The following FBXL20 variants were observed in gnomAD, a reference collection of about 807,000 sequenced individuals.
FBXL20 encodes the protein F-box/LRR-repeat protein 20.
A neutral mutation model predicts 64.0 loss-of-function variants in FBXL20; 11 were observed. The observed-to-expected ratio is 0.17, with a 90% CI of 0.11 to 0.28. FBXL20 has a LOEUF of 0.28. Ranked by LOEUF, FBXL20 falls within the 10% of genes least tolerant of loss-of-function variation. FBXL20 has a pLI of 1.00. For missense variants in FBXL20, 303 were observed against 526.2 expected (o/e 0.58, Z 4.15); for synonymous variants, 184 against 189.0 (o/e 0.97, Z 0.22).
intron 10 of FBXL20, among the ~76,000 whole-genome samples, chr17:39,272,436 G>A (rs1388432259): frequency 1.3e-5 from 2 of 148,400 alleles, no homozygotes; most frequent in African/African-American, 5.0e-5. Context: ...GGCCAGGTGC[G>A]TTGACTCATG....
At chr17:39,355,214 G>A (rs2047723939) in intron 1 of FBXL20, among the ~76,000 whole-genome samples, 1 of 151,960 alleles carries the variant, frequency 6.6e-6, no homozygotes, top group South Asian at 2.1e-4. Context: ...TTACAGGTGT[G>A]AGCCACCACG....
intron 1 of FBXL20, among the ~76,000 whole-genome samples, chr17:39,378,839 G>A (rs983473169): frequency 1.3e-5 from 2 of 151,554 alleles, no homozygotes; most frequent in African/African-American, 4.8e-5. Context: ...TCGAACTCCT[G>A]ACCTCAGGTG....
At chr17:39,266,216 G>GTTTGTT (rs1205895340) in intron 12 of FBXL20, among the ~76,000 whole-genome samples, 1 of 144,822 alleles carries the variant, frequency 6.9e-6, no homozygotes, top group Non-Finnish European at 1.5e-5. Flanking sequence ...TTACAGGCTA[G>GTTTGTT]TTTGTTGTTT....
chr17:39,390,562 T>TAAAA (rs568332066), intron 1 of FBXL20, among the ~76,000 whole-genome samples: 2 of 133,938 alleles, frequency 1.5e-5, no homozygotes, highest in African/African-American at 5.5e-5. Flanking sequence ...GACTCCATCT[T>TAAAA]AAAAAAAAAA....
At chr17:39,357,599 T>C (rs4287601) in intron 1 of FBXL20, among the ~76,000 whole-genome samples, 32,589 of 152,084 alleles carry the variant, frequency 0.21, 4,023 homozygotes, top group African/African-American at 0.33. Context: ...CAGGCTAGAG[T>C]GCGGTGGCAC....
chr17:39,297,151 T>A lies in FBXL20; in HGVS notation c.374A>T (p.Asn125Ile). 1 of 1,610,144 alleles carries A rather than the reference T, an allele frequency of 6.2e-7. No homozygotes were observed. Among genetic ancestry groups the A allele is most frequent in the Non-Finnish European group, 8.5e-7 (1 of 1,177,486 alleles). The change falls in exon 6 of 15, where the codon AAT becomes ATT. Residue 125 changes from asparagine to isoleucine, a missense_variant. By Grantham distance (149) the Asn-to-Ile change is moderately radical. Coordinates refer to ENST00000264658, the MANE Select transcript of FBXL20 (RefSeq NM_032875.3). ...CGCGTCTGTTGTCTTTGTACACCCATTTAGATTCAGTACTTCAATGTTCCT... is the reference window on the plus strand; with the variant it reads ...CGCGTCTGTTGTCTTTGTACACCCAATTAGATTCAGTACTTCAATGTTCCT... ...NCRNIEVLNL[N>I]GCTKTTDATC...
At chr17:39,296,355 T>C (rs571588967) in intron 6 of FBXL20, among the ~76,000 whole-genome samples, 57 of 151,882 alleles carry the variant, frequency 3.8e-4, no homozygotes, top group Admixed American at 1.3e-3. Flanking sequence ...GGTCAGGAGA[T>C]CGAGACCATC....
chr17:39,389,459 T>C (rs1018254434), intron 1 of FBXL20, among the ~76,000 whole-genome samples: 2 of 152,102 alleles, frequency 1.3e-5, no homozygotes, highest in Non-Finnish European at 2.9e-5. Flanking sequence ...GCAGTGCTCG[T>C]TTTAAAAAAT....
At chr17:39,325,707 T>C (rs928464528) in intron 2 of FBXL20, among the ~76,000 whole-genome samples, 3 of 152,150 alleles carry the variant, frequency 2.0e-5, no homozygotes, top group Non-Finnish European at 2.9e-5. Flanking sequence ...TTCAAATTAC[T>C]GACTGACCTC....
chr17:39,365,367 C>T (rs189645061), intron 1 of FBXL20, among the ~76,000 whole-genome samples: 51 of 152,232 alleles, frequency 3.4e-4, no homozygotes, highest in African/African-American at 1.2e-3. Flanking sequence ...ACATCTTGTC[C>T]CTAGCAGAAA....
At chr17:39,311,691 T>G (rs1457421622) in intron 2 of FBXL20, among the ~76,000 whole-genome samples, 1 of 152,220 alleles carries the variant, frequency 6.6e-6, no homozygotes, top group African/African-American at 2.4e-5. Flanking sequence ...CTGCTGCTTT[T>G]TCCTGTCATT....
chr17:39,298,783 A>G (rs1018054701), intron 5 of FBXL20, among the ~76,000 whole-genome samples: 1 of 152,062 alleles, frequency 6.6e-6, no homozygotes, highest in Non-Finnish European at 1.5e-5. Context: ...ACCACTTATG[A>G]TGGGGAATCT....
At chr17:39,402,302 C>A, upstream of FBXL20, 1 of 921,210 alleles carries the variant, frequency 1.1e-6, no homozygotes, top group Non-Finnish European at 1.4e-6. Flanking sequence ...CGCCGCCTCC[C>A]CCGCCTCCCC....
intron 2 of FBXL20, among the ~76,000 whole-genome samples, chr17:39,342,845 G>A (rs1472823076): frequency 6.6e-6 from 1 of 152,174 alleles, no homozygotes; most frequent in Non-Finnish European, 1.5e-5. Context: ...TTGCGCCACT[G>A]CACTCCAGCC....
At chr17:39,370,280 C>T (rs2047903486) in intron 1 of FBXL20, among the ~76,000 whole-genome samples, 2 of 135,490 alleles carry the variant, frequency 1.5e-5, no homozygotes, top group Non-Finnish European at 3.2e-5. Context: ...CATCTGAGAT[C>T]AGGAGTTCGA....
At chr17:39,389,019 G>A (rs563481355) in intron 1 of FBXL20, among the ~76,000 whole-genome samples, 5 of 143,252 alleles carry the variant, frequency 3.5e-5, no homozygotes, top group Non-Finnish European at 7.5e-5. Context: ...CAGGAGAATC[G>A]CTTGAACCCG....
At chr17:39,287,020 C>A (rs932912375) in intron 6 of FBXL20, among the ~76,000 whole-genome samples, 2 of 144,636 alleles carry the variant, frequency 1.4e-5, no homozygotes, top group African/African-American at 5.1e-5. Flanking sequence ...TCAAGCAATT[C>A]TCTTGCCTCA....
rs2048246447 is a variant in FBXL20 at position 39,401,611 on chromosome 17, T to A, written c.-209A>T. The A allele has an allele frequency of 7.2e-7, 1 of 1,397,816 alleles. No individual in the cohort carries two copies. Among genetic ancestry groups the A allele is most frequent in the African/African-American group, 1.5e-5 (1 of 65,220 alleles). 86.6% of individuals were successfully genotyped at this position (1,397,816 alleles called of 1,614,324 possible). Reference sequence around the variant, plus strand: ...GGCGGCCGCAACGACTGCTCGTCGCTAGCTCGGCTCTCTCCTCAGCCTCAA... The same window carrying A: ...GGCGGCCGCAACGACTGCTCGTCGCAAGCTCGGCTCTCTCCTCAGCCTCAA... On this transcript the variant is annotated 5_prime_UTR_variant, in exon 1 of 15. Coordinates refer to ENST00000264658, the MANE Select transcript of FBXL20 (RefSeq NM_032875.3).
chr17:39,356,916 G>T lies in FBXL20; in HGVS notation c.43-13675C>A, dbSNP rs1205915143. Among the ~76,000 whole-genome samples the T allele has an allele frequency of 2.7e-5, 4 of 149,994 alleles. No homozygotes were observed. In the East Asian group the frequency reaches 8.0e-4, roughly 30 times the overall value. On this transcript the variant is annotated intron_variant, in intron 1 of 14. Transcript: ENST00000264658. ...TAAACTCAAGAGCTCCTCCCACTTT[G>T]ACCTCCCAAAGTGCTGGGATTACAG...
Sources: gnomAD v4.1 joint callset for allele counts (sites outside exome capture counted in the v4.1 genomes callset) on GRCh38, gnomAD v4.1.1 for gene constraint, MANE v1.5 for transcripts, NCBI Gene and HGNC (gene_info 2026-07-23, HGNC 2026-07-21) for gene names.